The following DCST2 variants were observed in gnomAD, a reference collection of about 807,000 sequenced individuals.
DCST2 encodes the protein DC-STAMP domain containing 2.
Under a neutral mutation model 81.8 loss-of-function variants are expected in DCST2, and 64 were observed. That is an observed-to-expected ratio of 0.78 (90% CI 0.64 to 0.96). The LOEUF (loss-of-function observed/expected upper bound fraction) is 0.96, where lower values mean the gene tolerates loss of function less well. Among genes scored for constraint, DCST2 ranks in the 40% least tolerant of loss-of-function variants. DCST2 has a pLI of 0.00. For synonymous variants in DCST2, 354 were observed against 402.6 expected (o/e 0.88, Z 1.44); for missense variants, 945 against 1,001.4 (o/e 0.94, Z 0.76).
At position 155,018,778 on chromosome 1, in the gene DCST2, G is replaced by T. The variant is rs370450478; in HGVS notation, c.2106-18C>A. On this transcript the variant is annotated intron_variant, in intron 14 of 14. Coordinates refer to ENST00000368424, the MANE Select transcript of DCST2 (RefSeq NM_144622.3). ...CCAGGTCACTAGTGAGGAGAGGAAG[G>T]GGGTGGCCGGATCACCCACCTTCTG... The T allele has an allele frequency of 7.5e-6, 12 of 1,607,794 alleles. No homozygotes were observed. In the African/African-American group the frequency reaches 1.5e-4, roughly 20 times the overall value.
chr1:155,022,483 C>G (rs973861844), intron 14 of DCST2, among the ~76,000 whole-genome samples: 1 of 152,166 alleles, frequency 6.6e-6, no homozygotes, highest in East Asian at 1.9e-4. Flanking sequence ...ATAATCCCAG[C>G]ACTTTGGAAG....
In DCST2 at chr1:155,031,720, C is replaced by T. The variant is rs1372790360; in HGVS notation, c.593G>A (p.Cys198Tyr). 6.2e-7 allele frequency: 1 copy of T among 1,614,006 alleles called. No homozygotes were observed. Among genetic ancestry groups the T allele is most frequent in the Admixed American group, 1.7e-5 (1 of 60,022 alleles). Residue 198 changes from cysteine to tyrosine, a missense_variant, in exon 4 of 15, where the codon TGC becomes TAC. Coordinates refer to ENST00000368424, the MANE Select transcript of DCST2 (RefSeq NM_144622.3). ...WQWLLHIGDV[C>Y]NSELGNPYLK... ...GTAAGGGTTGCCCAGTTCCGAGTTG[C>T]ACACATCGCCGATGTGCAGGAGCCA...
In DCST2 at chr1:155,024,535, C is replaced by A. The variant is rs368870199; in HGVS notation, c.1679G>T (p.Arg560Leu). The A allele has an allele frequency of 2.5e-6, 4 of 1,608,266 alleles. No individual in the cohort carries two copies. The highest frequency in any genetic ancestry group is 2.2e-5 in the South Asian group (2 of 89,440). Residue 560 changes from arginine to leucine, a missense_variant, in exon 11 of 15, where the codon CGA (arginine) becomes CTA (leucine). Coordinates refer to ENST00000368424, the MANE Select transcript of DCST2 (RefSeq NM_144622.3). ...GTCAGCCGCCCGCCGCCTCACTGAT[C>A]GGTGCAGGGCAGCCAACAGATTGGT... ...RRTNLLAALH[R>L]SVRRRAADQG...
chr1:155,020,500 G>T (rs888578888), intron 14 of DCST2, among the ~76,000 whole-genome samples: 1 of 152,152 alleles, frequency 6.6e-6, no homozygotes, highest in African/African-American at 2.4e-5. Flanking sequence ...CTCCCAAGTA[G>T]CTGGGATTAC....
At chr1:155,019,531 C>A (rs903414170) in intron 14 of DCST2, among the ~76,000 whole-genome samples, 17 of 152,254 alleles carry the variant, frequency 1.1e-4, no homozygotes, top group African/African-American at 3.9e-4. Flanking sequence ...CCATGGCCCC[C>A]TCTCTGAGTC....
In DCST2 at chr1:155,026,734, G is replaced by A. The variant is rs1483508814; in HGVS notation, c.1343-19C>T. 6.2e-7 allele frequency: 1 copy of A among 1,613,432 alleles called. No individual in the cohort carries two copies. The highest frequency in any genetic ancestry group is 8.5e-7 in the Non-Finnish European group (1 of 1,179,442). On this transcript the variant is annotated intron_variant, in intron 8 of 14. Coordinates refer to ENST00000368424, the MANE Select transcript of DCST2 (RefSeq NM_144622.3). Reference sequence around the variant, plus strand: ...ACAGGACCTGGCACAAAGACACTGTGTGAGTGACACTCATGGCAGTTGCTA... The same window carrying A: ...ACAGGACCTGGCACAAAGACACTGTATGAGTGACACTCATGGCAGTTGCTA...
intron 6 of DCST2, 69 bp from the exon 7 acceptor site, chr1:155,030,310 C>T (rs138215888): frequency 2.2e-5 from 35 of 1,603,076 alleles, no homozygotes; most frequent in Admixed American, 3.4e-5. Flanking sequence ...AGGGCATCCG[C>T]GCTTCAACCC....
chr1:155,026,255 C>A, intron 10 of DCST2, 47 bp downstream of exon 10: 1 of 1,599,474 alleles, frequency 6.3e-7, no homozygotes, highest in Non-Finnish European at 8.6e-7. Context: ...CTAGCTAAGC[C>A]CCCTGGGGAG....
intron 14 of DCST2, among the ~76,000 whole-genome samples, chr1:155,020,637 G>A (rs1659727189): frequency 6.6e-6 from 1 of 152,108 alleles, no homozygotes; most frequent in Non-Finnish European, 1.5e-5. Flanking sequence ...AAAGTGCTAG[G>A]ATTACAGGCG....
chr1:155,031,811 C>A, intron 3 of DCST2, 40 bp from the exon 4 acceptor site: 1 of 1,591,576 alleles, frequency 6.3e-7, no homozygotes, highest in Non-Finnish European at 8.6e-7. Flanking sequence ...GGCTGGAATC[C>A]TACAGCCTCT....
At chr1:155,024,412 C>T in intron 11 of DCST2, 60 bp downstream of exon 11, 11 of 1,499,038 alleles carry the variant, frequency 7.3e-6, no homozygotes, top group Admixed American at 2.3e-5. Flanking sequence ...TCCATTCCAA[C>T]TCCTGGCTCT....
At chr1:155,032,960 C>T (rs1660143785) in intron 2 of DCST2, 134 bp downstream of exon 2, 1 of 1,110,490 alleles carries the variant, frequency 9.0e-7, no homozygotes, top group Admixed American at 2.7e-5. Context: ...TTTAGCTGTG[C>T]CCAGAGTCCC....
chr1:155,033,033 A>G, intron 2 of DCST2, 61 bp downstream of exon 2: 1 of 1,467,342 alleles, frequency 6.8e-7, no homozygotes, highest in East Asian at 2.4e-5. Flanking sequence ...ACTGTAGAAC[A>G]TGCAGGATGA....
At chr1:155,033,406 G>A in intron 1 of DCST2, 28 bp downstream of exon 1, 2 of 1,606,610 alleles carry the variant, frequency 1.2e-6, no homozygotes, top group Non-Finnish European at 1.7e-6. Context: ...CCCAGGACCT[G>A]CCCCCTAGCC....
At chr1:155,030,370 C>T in intron 6 of DCST2, 62 bp downstream of exon 6, 1 of 1,596,920 alleles carries the variant, frequency 6.3e-7, no homozygotes, top group South Asian at 1.1e-5. Context: ...TGAGCTGCTC[C>T]CTGCAGCCCT....
At position 155,033,661 on chromosome 1, in the gene DCST2, C is replaced by G. The variant is rs757237262; in HGVS notation, c.41G>C (p.Gly14Ala). 27 of 1,614,004 alleles carry G rather than the reference C, an allele frequency of 1.7e-5. No individual in the cohort carries two copies. The highest frequency in any genetic ancestry group is 1.9e-5 in the Non-Finnish European group (22 of 1,179,998). ...AGCTCTCGCCATGCTAGGCTCCTCT[C>G]CCCCCAAGGGGTGCACAACATCCTT... ...VMKDVVHPLG[G>A]EEPSMARAVV... Residue 14 changes from glycine (G) to alanine (A), a missense_variant, in exon 1 of 15, where the codon GGA becomes GCA. Physicochemically the swap from Gly to Ala is moderately conservative, Grantham distance 60. Transcript: ENST00000368424.
rs141344484 is a variant in DCST2 at position 155,024,562 on chromosome 1, C to T, written c.1652G>A (p.Arg551Gln). 3.7e-6 allele frequency: 6 copies of T among 1,609,442 alleles called. No individual in the cohort carries two copies. The highest frequency in any genetic ancestry group is 2.2e-5 in the East Asian group (1 of 44,644). The change falls in exon 11 of 15, where the codon CGA (arginine) becomes CAA (glutamine). Residue 551 changes from arginine to glutamine, a missense_variant. Arg to Gln is a conservative substitution (Grantham distance 43). Coordinates refer to ENST00000368424, the MANE Select transcript of DCST2 (RefSeq NM_144622.3). ...SYLYNVLLSRRTNLLAALHRS... is the reference protein window; with the variant it reads ...SYLYNVLLSRQTNLLAALHRS... Reference sequence around the variant, plus strand: ...GTGCAGGGCAGCCAACAGATTGGTTCGGCGGCTCAGAAGTACATTGTACAG... The same window carrying T: ...GTGCAGGGCAGCCAACAGATTGGTTTGGCGGCTCAGAAGTACATTGTACAG...
intron 14 of DCST2, among the ~76,000 whole-genome samples, chr1:155,022,162 C>T (rs1024258246): frequency 2.0e-5 from 3 of 152,154 alleles, no homozygotes; most frequent in Admixed American, 6.5e-5. Flanking sequence ...CCACCGTGCC[C>T]GGCCCGCTTA....
chr1:155,021,856 C>T (rs955655995), intron 14 of DCST2, among the ~76,000 whole-genome samples: 64 of 151,158 alleles, frequency 4.2e-4, no homozygotes, highest in African/African-American at 1.5e-3. Context: ...GCCTTCTTTG[C>T]TTATGGTCTT....
Sources: gnomAD v4.1 joint callset for allele counts (sites outside exome capture counted in the v4.1 genomes callset) on GRCh38, gnomAD v4.1.1 for gene constraint, MANE v1.5 for transcripts, NCBI Gene and HGNC (gene_info 2026-07-23, HGNC 2026-07-21) for gene names.